The following LRRC53 variants were observed in gnomAD, a reference collection of about 807,000 sequenced individuals.
LRRC53 encodes leucine rich repeat containing 53.
LRRC53 carries 25 observed loss-of-function variants against 13.6 expected under a neutral mutation model. The ratio of observed to expected loss-of-function variants is 1.83; its 90% CI spans 1.34 to 2.56. The LOEUF (loss-of-function observed/expected upper bound fraction) is 2.56. Ranked by LOEUF, LRRC53 falls within the 30% of genes most tolerant of loss-of-function variation. LRRC53 has a pLI of 0.00. For synonymous variants in LRRC53, 204 were observed against 109.8 expected (o/e 1.86, Z -5.37); for missense variants, 527 against 275.8 (o/e 1.91, Z -6.45).
chr1:74,498,516 A>G (rs1425269572), intron 1 of LRRC53, among the ~76,000 whole-genome samples: 1 of 152,102 alleles, frequency 6.6e-6, no homozygotes, highest in Non-Finnish European at 1.5e-5. Context: ...TTTATTATTT[A>G]ATTGCATGTG....
At chr1:74,485,431 CA>C (rs1363874129) in intron 1 of LRRC53, among the ~76,000 whole-genome samples, 1 of 152,180 alleles carries the variant, frequency 6.6e-6, no homozygotes, top group Non-Finnish European at 1.5e-5. Flanking sequence ...GTAGAATTTA[CA>C]CACAGACTCC....
the LRRC53 span, among the ~76,000 whole-genome samples, chr1:74,534,764 T>C: frequency 6.6e-6 from 1 of 152,220 alleles, no homozygotes; most frequent in African/African-American, 2.4e-5. Flanking sequence ...TTAGCAGTTC[T>C]GGATTTCCTA....
At chr1:74,509,659 C>T (rs1670076846) in intron 1 of LRRC53, among the ~76,000 whole-genome samples, 1 of 147,860 alleles carries the variant, frequency 6.8e-6, no homozygotes, top group Non-Finnish European at 1.5e-5. Context: ...TTGTTTTTGT[C>T]ATGTCATATA....
At chr1:74,536,029 T>C in the LRRC53 span, among the ~76,000 whole-genome samples, 1 of 152,170 alleles carries the variant, frequency 6.6e-6, no homozygotes, top group Admixed American at 6.5e-5. Context: ...GTAATCAGTG[T>C]TTTTCTAAGA....
At chr1:74,502,064 A>G (rs1010013763) in intron 1 of LRRC53, among the ~76,000 whole-genome samples, 1 of 152,110 alleles carries the variant, frequency 6.6e-6, no homozygotes, top group South Asian at 2.1e-4. Flanking sequence ...CCTTGCTTGG[A>G]CCCATGATGT....
chr1:74,470,728 T>C lies in LRRC53; in HGVS notation c.2894A>G (p.Glu965Gly), dbSNP rs1021134994. The C allele has an allele frequency of 2.7e-5, 11 of 400,632 alleles. No individual in the cohort carries two copies. The highest frequency in any genetic ancestry group is 2.1e-4 in the African/African-American group (10 of 48,702). 24.8% of individuals were successfully genotyped at this position (400,632 alleles called of 1,614,324 possible). A position where few individuals can be genotyped will look rare whatever the true frequency, so the allele number is the denominator to read the frequency against. The change falls in exon 5 of 5, where the codon GAA becomes GGA. Residue 965 changes from glutamate (E) to glycine (G), a missense_variant. By Grantham distance (98) the Glu-to-Gly change is moderately conservative (BLOSUM62 -2). Transcript: ENST00000294635. ...REQNSSHAQLENKEKTLMTKP... is the reference protein window; with the variant it reads ...REQNSSHAQLGNKEKTLMTKP... Reference sequence around the variant, plus strand: ...TGTCATTAATGTTTTTTCTTTATTTTCAAGCTGTGCATGACTTGAATTTTG... The same window carrying C: ...TGTCATTAATGTTTTTTCTTTATTTCCAAGCTGTGCATGACTTGAATTTTG...
rs919963650 is a variant in LRRC53, at chr1:74,470,480, C to T, written c.3142G>A (p.Val1048Ile). The T allele has an allele frequency of 3.0e-5, 12 of 400,514 alleles. No individual in the cohort carries two copies. The highest frequency in any genetic ancestry group is 1.3e-4 in the South Asian group (1 of 7,950). The allele number at this position is 400,514 out of a possible 1,614,324, so 24.8% of individuals were successfully genotyped here. The change falls in exon 5 of 5, where the codon GTT becomes ATT. Residue 1048 changes from valine to isoleucine, a missense_variant. Coordinates refer to ENST00000294635, the MANE Select transcript of LRRC53 (RefSeq NM_001382280.1). ...ISTSPVSSQA[V>I]WHLTNSSEKG... is the part of the protein sequence containing the mutation. The stretch of plus-strand genomic sequence containing the variant: ...TCGCTACTATTGGTTAGGTGCCAAA[C>T]GGCTTGACTACTAACAGGAGAAGTA...
chr1:74,525,585 C>T, the LRRC53 span, among the ~76,000 whole-genome samples: 26 of 152,278 alleles, frequency 1.7e-4, no homozygotes, highest in African/African-American at 6.3e-4. Flanking sequence ...AAACTCTGTG[C>T]CCAAATGCCA....
chr1:74,532,922 G>C, the LRRC53 span, among the ~76,000 whole-genome samples: 3 of 152,062 alleles, frequency 2.0e-5, no homozygotes, highest in Non-Finnish European at 4.4e-5. Context: ...ATTCAAGATG[G>C]ATTAAAGACT....
rs1668591735 is a variant in LRRC53, at chr1:74,483,260, A to G, written c.88+2T>C. 2.8e-6 allele frequency: 2 copies of G among 717,154 alleles called. No individual in the cohort carries two copies. The highest frequency in any genetic ancestry group is 2.7e-5 in the East Asian group (1 of 37,274). The allele number at this position is 717,154 out of a possible 1,614,324, so 44.4% of individuals were successfully genotyped here. On this transcript the variant is annotated splice_donor_variant, in intron 2 of 4. Transcript: ENST00000294635. LOFTEE classifies it high-confidence loss of function. ...GCTTTTTAGAGTTATTAGTTTTATT[A>G]CCTACTATATAGGTTAGCTGGTGAC...
chr1:74,509,715 A>C (rs912110158), intron 1 of LRRC53, among the ~76,000 whole-genome samples: 5 of 142,618 alleles, frequency 3.5e-5, no homozygotes, highest in African/African-American at 1.3e-4. Context: ...GGTACCTATG[A>C]ACTGCTTTCT....
chr1:74,535,962 AT>A, the LRRC53 span, among the ~76,000 whole-genome samples: 39 of 152,308 alleles, frequency 2.6e-4, no homozygotes, highest in African/African-American at 8.9e-4. Flanking sequence ...CATCAAAAAA[AT>A]AATAAAGTAA....
intron 1 of LRRC53, among the ~76,000 whole-genome samples, chr1:74,506,922 C>G (rs1669934342): frequency 6.6e-6 from 1 of 152,128 alleles, no homozygotes; most frequent in East Asian, 1.9e-4. Flanking sequence ...TTACCACTTT[C>G]TACTTGGTAT....
chr1:74,521,107 A>G, the LRRC53 span, among the ~76,000 whole-genome samples: 605 of 152,252 alleles, frequency 4.0e-3, 6 homozygotes, highest in African/African-American at 0.014. Flanking sequence ...ATATTTTTAG[A>G]TAATGTCCTC....
intron 1 of LRRC53, among the ~76,000 whole-genome samples, chr1:74,507,014 G>T (rs1199237494): frequency 1.3e-5 from 2 of 151,892 alleles, no homozygotes; most frequent in African/African-American, 2.4e-5. Flanking sequence ...AATTGACAAG[G>T]TTCATTAAAC....
chr1:74,488,219 G>T (rs1668867145), intron 1 of LRRC53, among the ~76,000 whole-genome samples: 3 of 152,170 alleles, frequency 2.0e-5, no homozygotes, highest in Admixed American at 2.0e-4. Flanking sequence ...GGAAGTAGCA[G>T]TGACAGCAAG....
At chr1:74,500,554 A>T (rs1669566310) in intron 1 of LRRC53, among the ~76,000 whole-genome samples, 1 of 127,954 alleles carries the variant, frequency 7.8e-6, no homozygotes, top group East Asian at 2.7e-4. Context: ...CAGTGAGCTG[A>T]GATCCCGCCA....
chr1:74,516,333 T>C (rs1431627516), upstream of LRRC53, among the ~76,000 whole-genome samples: 1 of 152,210 alleles, frequency 6.6e-6, no homozygotes, highest in East Asian at 1.9e-4. Context: ...AATTTCTAGA[T>C]ATGTTGCTAA....
At position 74,480,902 on chromosome 1, in the gene LRRC53, T is replaced by A; in HGVS notation, c.155A>T (p.Asn52Ile). Residue 52 changes from asparagine (N) to isoleucine (I), a missense_variant, in exon 3 of 5, where the codon AAC (asparagine) becomes ATC (isoleucine). Coordinates refer to ENST00000294635, the MANE Select transcript of LRRC53 (RefSeq NM_001382280.1). The stretch of plus-strand genomic sequence containing the variant: ...GGCAAGATTAAACAAGAGAGACAGG[T>A]TTGTGCTCTCAATAGAGGAGAGATA... The part of the protein sequence containing the change: ...DGYLSSIEST[N>I]LSLLFNLALL... 1 of 717,276 alleles carries A rather than the reference T, an allele frequency of 1.4e-6. No homozygotes were observed. The highest frequency in any genetic ancestry group is 2.6e-6 in the Non-Finnish European group (1 of 385,050). The allele number at this position is 717,276 out of a possible 1,614,324, so 44.4% of individuals were successfully genotyped here.
Sources: gnomAD v4.1 joint callset for allele counts (sites outside exome capture counted in the v4.1 genomes callset) on GRCh38, gnomAD v4.1.1 for gene constraint, MANE v1.5 for transcripts, NCBI Gene and HGNC (gene_info 2026-07-23, HGNC 2026-07-21) for gene names.